The following CNIH3 variants were observed in gnomAD, a reference collection of about 807,000 sequenced individuals.
CNIH3 encodes the protein cornichon family AMPA receptor auxiliary protein 3.
CNIH3 carries 14 observed loss-of-function variants against 24.1 expected under a neutral mutation model. The ratio of observed to expected loss-of-function variants is 0.58; its 90% CI spans 0.38 to 0.91. The LOEUF (loss-of-function observed/expected upper bound fraction) is 0.91. CNIH3 is among the 40% of genes least tolerant of loss of function. The pLI, the probability that CNIH3 is intolerant of heterozygous loss-of-function variation, is 0.00. For missense variants in CNIH3, 178 were observed against 196.8 expected, an observed-to-expected ratio of 0.90 and a Z score of 0.57; for synonymous variants, 68 against 73.8, an observed-to-expected ratio of 0.92 and a Z score of 0.40.
intron 3 of CNIH3, among the ~76,000 whole-genome samples, chr1:224,606,154 C>G (rs529942525): frequency 6.6e-6 from 1 of 152,240 alleles, no homozygotes; most frequent in African/African-American, 2.4e-5. Context: ...CCCCCCAGAT[C>G]CCCAGAGAGC....
At chr1:224,681,407 C>G (rs1686396075) in intron 2 of CNIH3, among the ~76,000 whole-genome samples, 1 of 152,206 alleles carries the variant, frequency 6.6e-6, no homozygotes, top group Non-Finnish European at 1.5e-5. Flanking sequence ...CACTCTCCAC[C>G]TGGGCACCAA....
chr1:224,715,708 T>C (rs1195798177), intron 3 of CNIH3, among the ~76,000 whole-genome samples: 4 of 151,744 alleles, frequency 2.6e-5, no homozygotes, highest in African/African-American at 9.7e-5. Context: ...AATGAGAGGG[T>C]TGGGGAGGTG....
intron 1 of CNIH3, among the ~76,000 whole-genome samples, chr1:224,442,653 G>T (rs907591507): frequency 1.3e-5 from 2 of 151,996 alleles, no homozygotes; most frequent in Admixed American, 1.3e-4. Flanking sequence ...TACATATATT[G>T]TACTCTTTTA....
chr1:224,673,852 C>T (rs1685994619), intron 1 of CNIH3, among the ~76,000 whole-genome samples: 1 of 151,924 alleles, frequency 6.6e-6, no homozygotes, highest in Non-Finnish European at 1.5e-5. Flanking sequence ...TTCTTTTTAC[C>T]CGTTCAAGTC....
At chr1:224,679,020 A>G (rs1035932896) in intron 1 of CNIH3, among the ~76,000 whole-genome samples, 1 of 152,200 alleles carries the variant, frequency 6.6e-6, no homozygotes, top group Non-Finnish European at 1.5e-5. Context: ...AATGAATGCT[A>G]CTATATTCCA....
At chr1:224,463,786 T>A (rs1259091384) in intron 1 of CNIH3, among the ~76,000 whole-genome samples, 41 of 117,914 alleles carry the variant, frequency 3.5e-4, no homozygotes, top group African/African-American at 1.3e-3. Context: ...TTTTTTTTTT[T>A]TTTTTTTTTT....
intron 1 of CNIH3, among the ~76,000 whole-genome samples, chr1:224,624,614 G>A (rs967016979): frequency 6.6e-6 from 1 of 152,086 alleles, no homozygotes; most frequent in African/African-American, 2.4e-5. Flanking sequence ...CCCATTTGCT[G>A]TTTCTCAGAG....
chr1:224,528,916 T>A (rs757143694), intron 2 of CNIH3, among the ~76,000 whole-genome samples: 1 of 152,192 alleles, frequency 6.6e-6, no homozygotes, highest in Non-Finnish European at 1.5e-5. Context: ...GATTAAGAAT[T>A]GAATTTGGAG....
intron 1 of CNIH3, among the ~76,000 whole-genome samples, chr1:224,499,829 T>G (rs949583098): frequency 1.3e-5 from 2 of 149,304 alleles, no homozygotes; most frequent in African/African-American, 5.0e-5. Context: ...TTTGGGAGGC[T>G]GAGGCAGGAG....
intron 2 of CNIH3, among the ~76,000 whole-genome samples, chr1:224,683,455 A>G (rs181589439): frequency 4.6e-5 from 7 of 152,358 alleles, no homozygotes; most frequent in African/African-American, 1.2e-4. Context: ...TTAGACCTCT[A>G]TAGAGCCCCC....
intron 3 of CNIH3, among the ~76,000 whole-genome samples, chr1:224,558,757 A>G (rs1041598172): frequency 6.6e-6 from 1 of 152,216 alleles, no homozygotes; most frequent in Non-Finnish European, 1.5e-5. Flanking sequence ...CCACTTTGTA[A>G]GCAGTCACAG....
chr1:224,440,722 TGATG>T (rs2102944267), intron 1 of CNIH3, among the ~76,000 whole-genome samples: 1 of 152,314 alleles, frequency 6.6e-6, no homozygotes, highest in African/African-American at 2.4e-5. Flanking sequence ...GGTTTCTCTT[TGATG>T]GATGGAGTGG....
intron 2 of CNIH3, among the ~76,000 whole-genome samples, chr1:224,531,033 G>A (rs1436739599): frequency 2.0e-5 from 3 of 152,162 alleles, no homozygotes; most frequent in Non-Finnish European, 4.4e-5. Flanking sequence ...GCATGGAACT[G>A]GGGGTTCAGG....
In CNIH3 at chr1:224,604,744, A is replaced by G. The variant is rs1273345034; in HGVS notation, n.402+38480A>G. 6.6e-6 allele frequency among the ~76,000 whole-genome samples: 1 copy of G among 152,224 alleles called. No homozygotes were observed. Among genetic ancestry groups the G allele is most frequent in the African/African-American group, 2.4e-5 (1 of 41,462 alleles). On this transcript the variant is annotated intron_variant and non_coding_transcript_variant, in intron 3 of 7. Coordinates refer to the CNIH3 transcript ENST00000478120. The surrounding 1 kb of genome is among the most constrained non-coding windows in gnomAD (Gnocchi z 4.4). ...GACCCTTGCCGGTGACACCTGGCCC[A>G]GGCGTCACTTGGCCATGCTGACATG...
At chr1:224,638,397 C>T (rs1195722754) in intron 1 of CNIH3, among the ~76,000 whole-genome samples, 2 of 152,208 alleles carry the variant, frequency 1.3e-5, no homozygotes, top group African/African-American at 2.4e-5. Context: ...TGGATACCCC[C>T]GAGTCCCTCC....
intron 3 of CNIH3, among the ~76,000 whole-genome samples, chr1:224,717,072 G>A (rs1312213391): frequency 6.6e-6 from 1 of 152,170 alleles, no homozygotes; most frequent in East Asian, 1.9e-4. Flanking sequence ...CTTGCACCAC[G>A]ACAGTGGGGA....
chr1:224,452,191 C>T (rs1675427798), intron 1 of CNIH3, among the ~76,000 whole-genome samples: 1 of 150,644 alleles, frequency 6.6e-6, no homozygotes, highest in African/African-American at 2.4e-5. Flanking sequence ...ACTCTGTTGC[C>T]TAGGCTGGTG....
rs1263810614 is a variant in CNIH3 at position 224,616,915 on chromosome 1, C to A, written c.-260C>A. On this transcript the variant is annotated 5_prime_UTR_variant, in exon 1 of 6. The change creates a premature stop within an existing upstream ORF in the 5' untranslated region. Transcript: ENST00000272133. ...CTGATTTGGTTTCTTCTTCGATTTG[C>A]GGACGGTTCCCTCCAGCGACTCTCG... is the stretch of plus-strand genomic sequence containing the variant. 3 of 1,309,766 alleles carry A rather than the reference C, an allele frequency of 2.3e-6. No individual in the cohort carries two copies. The African/African-American group carries it at 4.5e-5, about 20-fold the overall frequency. The allele number at this position is 1,309,766 out of a possible 1,614,324, so 81.1% of individuals were successfully genotyped here.
Position 224,595,854 on chromosome 1 carries a change from G to A in CNIH3, n.402+29590G>A, listed in dbSNP as rs542200143. On this transcript the variant is annotated intron_variant and non_coding_transcript_variant, in intron 3 of 7. Transcript: ENST00000478120. ...CCCTTAAGCCAAAGCCTAACCCAGA[G>A]CAAGGCCCTAACTCTCTTCAATTCT... 7.2e-5 allele frequency among the ~76,000 whole-genome samples: 11 copies of A among 152,314 alleles called. No individual in the cohort carries two copies. In the South Asian group the frequency reaches 2.1e-3, roughly 29 times the overall value.
Sources: allele counts gnomAD v4.1 joint callset (sites outside exome capture counted in the v4.1 genomes callset), GRCh38; gene constraint gnomAD v4.1.1; non-coding constraint Gnocchi (gnomAD v3.1); transcripts MANE v1.5; gene names NCBI Gene and HGNC (gene_info 2026-07-23, HGNC 2026-07-21).